EPC1: variants seen among roughly 807,000 people sequenced by gnomAD.
EPC1 encodes the protein enhancer of polycomb homolog 1.
In EPC1, 12 loss-of-function variants were observed where a neutral mutation model predicts 98.4. That is an observed-to-expected ratio of 0.12 (90% CI 0.08 to 0.20). The LOEUF (loss-of-function observed/expected upper bound fraction) is 0.20, where lower values mean the gene tolerates loss of function less well. Ranked by LOEUF, EPC1 falls within the 10% of genes least tolerant of loss-of-function variation. The pLI, the probability that EPC1 is intolerant of heterozygous loss-of-function variation, is 1.00. For synonymous variants in EPC1, 357 were observed against 363.9 expected, an observed-to-expected ratio of 0.98 and a Z score of 0.21; for missense variants, 729 against 990.5, an observed-to-expected ratio of 0.74 and a Z score of 3.54.
upstream of EPC1, among the ~76,000 whole-genome samples, chr10:32,351,365 T>G (rs1367375414): frequency 6.6e-6 from 1 of 152,122 alleles, no homozygotes; most frequent in Non-Finnish European, 1.5e-5. Context: ...TCTTCAGAAA[T>G]CAGCATGTCG....
intron 1 of EPC1, among the ~76,000 whole-genome samples, chr10:32,339,322 G>A (rs1838182850): frequency 6.6e-6 from 1 of 152,202 alleles, no homozygotes; most frequent in South Asian, 2.1e-4. Context: ...TGGAAGCAGA[G>A]CTAGAGGCTA....
chr10:32,299,791 T>C (rs1166248108), intron 2 of EPC1, among the ~76,000 whole-genome samples: 1 of 152,238 alleles, frequency 6.6e-6, no homozygotes, highest in Non-Finnish European at 1.5e-5. Flanking sequence ...TTGTAATTAA[T>C]GAGTAGTTTG....
chr10:32,327,437 G>C lies in EPC1; in HGVS notation c.153+19326C>G, dbSNP rs188172565. Among the ~76,000 whole-genome samples the C allele has an allele frequency of 5.9e-5, 9 of 152,190 alleles. No homozygotes were observed. In the East Asian group the frequency reaches 9.7e-4, roughly 16 times the overall value. On this transcript the variant is annotated intron_variant, in intron 1 of 13. Transcript: ENST00000319778. Reference sequence around the variant, plus strand: ...ACAGCACATTATATGTTTCAAAATAGCCAGAAGAAAGGATTGTGAGTGTTC... The same window carrying C: ...ACAGCACATTATATGTTTCAAAATACCCAGAAGAAAGGATTGTGAGTGTTC...
intron 6 of EPC1, among the ~76,000 whole-genome samples, chr10:32,288,182 C>T (rs1232287023): frequency 6.6e-6 from 1 of 152,092 alleles, no homozygotes; most frequent in African/African-American, 2.4e-5. Flanking sequence ...TCCACAATTT[C>T]TACTGTTGTA....
intron 1 of EPC1, among the ~76,000 whole-genome samples, chr10:32,324,293 C>G (rs1592597846): frequency 6.6e-6 from 1 of 151,378 alleles, no homozygotes; most frequent in African/African-American, 2.4e-5. Context: ...ATGTGGTTCA[C>G]GCCTGTAATC....
At chr10:32,310,852 C>A (rs1175851851) in intron 1 of EPC1, among the ~76,000 whole-genome samples, 2 of 151,988 alleles carry the variant, frequency 1.3e-5, no homozygotes, top group African/African-American at 4.8e-5. Context: ...CCAACCTGGG[C>A]AACAGAGCAA....
intron 6 of EPC1, among the ~76,000 whole-genome samples, chr10:32,289,506 C>T (rs1438245632): frequency 6.6e-6 from 1 of 151,370 alleles, no homozygotes; most frequent in Non-Finnish European, 1.5e-5. Flanking sequence ...GGTCTGTTTA[C>T]CACAATAAAA....
chr10:32,295,994 G>C (rs961207313), intron 2 of EPC1, among the ~76,000 whole-genome samples: 3 of 151,736 alleles, frequency 2.0e-5, no homozygotes, highest in Non-Finnish European at 2.9e-5. Flanking sequence ...GGCGATCTCG[G>C]CTTACTGCAA....
At chr10:32,344,371 G>A (rs1838604687) in intron 1 of EPC1, among the ~76,000 whole-genome samples, 1 of 152,004 alleles carries the variant, frequency 6.6e-6, no homozygotes, top group African/African-American at 2.4e-5. Context: ...TTGGTTGGAT[G>A]TGAAGTGAAA....
chr10:32,327,505 T>C (rs1445034928), intron 1 of EPC1, among the ~76,000 whole-genome samples: 1 of 152,202 alleles, frequency 6.6e-6, no homozygotes, highest in African/African-American at 2.4e-5. Context: ...ATGGCTATGT[T>C]AATTGCCATG....
upstream of EPC1, among the ~76,000 whole-genome samples, chr10:32,347,836 G>A (rs946736011): frequency 6.6e-6 from 1 of 152,202 alleles, no homozygotes; most frequent in African/African-American, 2.4e-5. Context: ...TATAGGCACC[G>A]CATCAAGTCA....
chr10:32,360,802 G>A (rs531264114), intron 1 of EPC1, among the ~76,000 whole-genome samples: 1 of 152,018 alleles, frequency 6.6e-6, no homozygotes, highest in South Asian at 2.1e-4. Context: ...GTTGAGGCAG[G>A]AGAATTGCTT....
chr10:32,284,622 C>T (rs1592545238), intron 10 of EPC1, 76 bp downstream of exon 10: 38 of 1,225,226 alleles, frequency 3.1e-5, no homozygotes, highest in South Asian at 5.8e-5. Context: ...ATGTAACAGA[C>T]CACATAGTCG....
intron 13 of EPC1, among the ~76,000 whole-genome samples, chr10:32,269,900 C>A (rs1451593205): frequency 6.6e-6 from 1 of 152,206 alleles, no homozygotes; most frequent in Non-Finnish European, 1.5e-5. Context: ...TTCTGGGCCA[C>A]TCCTGGCTGA....
intron 1 of EPC1, among the ~76,000 whole-genome samples, chr10:32,377,975 T>C (rs976387760): frequency 1.3e-5 from 2 of 152,216 alleles, no homozygotes; most frequent in African/African-American, 4.8e-5. Context: ...ATCCACTATT[T>C]AGTAACAGCC....
chr10:32,306,940 T>C (rs1415105428), intron 1 of EPC1, among the ~76,000 whole-genome samples: 8 of 152,130 alleles, frequency 5.3e-5, no homozygotes, highest in African/African-American at 1.4e-4. Flanking sequence ...CCAGTCTTCA[T>C]AGGTAGTCCA....
chr10:32,293,555 A>G (rs1401457144), intron 3 of EPC1, 37 bp downstream of exon 3: 1 of 1,584,726 alleles, frequency 6.3e-7, no homozygotes, highest in East Asian at 2.2e-5. Flanking sequence ...TTTACATAGA[A>G]TATGTATATA....
chr10:32,312,075 C>T (rs1008256670), intron 1 of EPC1, among the ~76,000 whole-genome samples: 4 of 152,178 alleles, frequency 2.6e-5, no homozygotes, highest in African/African-American at 7.2e-5. Flanking sequence ...TTGCTGTGTA[C>T]ACCAGGAGCC....
intron 1 of EPC1, among the ~76,000 whole-genome samples, chr10:32,343,974 C>T (rs1011909254): frequency 6.6e-6 from 1 of 152,130 alleles, no homozygotes; most frequent in Non-Finnish European, 1.5e-5. Flanking sequence ...CTTTCAGGAC[C>T]AACATAGGAC....
Sources: gnomAD v4.1 joint callset for allele counts (sites outside exome capture counted in the v4.1 genomes callset) on GRCh38, gnomAD v4.1.1 for gene constraint, MANE v1.5 for transcripts, NCBI Gene and HGNC (gene_info 2026-07-23, HGNC 2026-07-21) for gene names.